The following QTGAL variants were observed in gnomAD, a reference collection of about 807,000 sequenced individuals.
QTGAL encodes the protein queuosine-tRNA galactosyltransferase.
chr17:83,005,183 G>T, the QTGAL span: 3 of 1,610,022 alleles, frequency 1.9e-6, no homozygotes, highest in Admixed American at 5.0e-5. The surrounding 1 kb of genome is among the most constrained non-coding windows in gnomAD (Gnocchi z 5.6). Flanking sequence ...GAGTTAGGGG[G>T]ATCTCTCCTC....
the QTGAL span, among the ~76,000 whole-genome samples, chr17:82,960,699 G>A: frequency 1.4e-4 from 22 of 152,172 alleles, no homozygotes; most frequent in Admixed American, 7.8e-4. Context: ...CGGCAGCTGC[G>A]CCCCCCAGGC....
the QTGAL span, chr17:83,051,597 C>T: frequency 1.1e-6 from 1 of 896,976 alleles, no homozygotes; most frequent in Non-Finnish European, 1.5e-6. Flanking sequence ...CTAAGGGCTG[C>T]TCAGGGCGGA....
the QTGAL span, chr17:82,945,215 T>A: frequency 6.6e-6 from 1 of 152,210 alleles, no homozygotes; most frequent in Non-Finnish European, 1.5e-5. Flanking sequence ...AAGAGAGAAT[T>A]AGAAAACTGG....
At chr17:82,968,697 A>G in the QTGAL span, among the ~76,000 whole-genome samples, 1 of 152,248 alleles carries the variant, frequency 6.6e-6, no homozygotes, top group African/African-American at 2.4e-5. Flanking sequence ...GCAAAGGCAT[A>G]GCCTTAAAAT....
At chr17:82,965,211 G>A in the QTGAL span, among the ~76,000 whole-genome samples, 7 of 150,886 alleles carry the variant, frequency 4.6e-5, no homozygotes, top group African/African-American at 1.2e-4. Flanking sequence ...GGGGGGGACG[G>A]GGACATGGAC....
At chr17:83,007,473 A>G in the QTGAL span, among the ~76,000 whole-genome samples, 1 of 152,222 alleles carries the variant, frequency 6.6e-6, no homozygotes, top group African/African-American at 2.4e-5. Context: ...AGCTGGAGGT[A>G]GAAGTCCTTT....
the QTGAL span, among the ~76,000 whole-genome samples, chr17:83,020,728 A>G: frequency 6.6e-6 from 1 of 152,252 alleles, no homozygotes; most frequent in Admixed American, 6.5e-5. Flanking sequence ...TTCTGAGCGC[A>G]GTTGGGGAGA....
At chr17:82,958,844 TACA>T in the QTGAL span, among the ~76,000 whole-genome samples, 1 of 126,018 alleles carries the variant, frequency 7.9e-6, no homozygotes. Flanking sequence ...TGTGTGTGTG[TACA>T]CTGGGGGTGT....
chr17:83,030,510 T>TA, the QTGAL span, among the ~76,000 whole-genome samples: 2 of 152,226 alleles, frequency 1.3e-5, no homozygotes, highest in African/African-American at 4.8e-5. Context: ...GTGAGGGTTC[T>TA]AGACGGCACT....
the QTGAL span, among the ~76,000 whole-genome samples, chr17:82,970,629 CCGCGACCTCCGCACCCGGT>C: frequency 2.5e-4 from 23 of 92,140 alleles, 4 homozygotes; most frequent in African/African-American, 1.2e-3. Context: ...CCCGGCGTGG[CCGCGACCTCCGCACCCGGT>C]GTGGCCGCGA....
At chr17:83,030,406 G>A in the QTGAL span, among the ~76,000 whole-genome samples, 2 of 152,122 alleles carry the variant, frequency 1.3e-5, no homozygotes, top group African/African-American at 4.8e-5. Context: ...GGAGAAGGAG[G>A]CAAAGGGCAG....
chr17:82,971,639 GGTGCC>G, the QTGAL span, among the ~76,000 whole-genome samples: 2 of 135,044 alleles, frequency 1.5e-5, no homozygotes, highest in Admixed American at 1.5e-4. Context: ...AGAAGGACCT[GGTGCC>G]GACCACACCA....
chr17:82,965,203 G>C, the QTGAL span, among the ~76,000 whole-genome samples: 2 of 150,828 alleles, frequency 1.3e-5, no homozygotes, highest in African/African-American at 4.9e-5. Flanking sequence ...ACTCCCACGG[G>C]GGGGACGGGG....
At chr17:83,013,359 C>G in the QTGAL span, among the ~76,000 whole-genome samples, 1 of 145,276 alleles carries the variant, frequency 6.9e-6, no homozygotes, top group African/African-American at 2.6e-5. Flanking sequence ...ACCGCCCACC[C>G]CCAGCGCACC....
the QTGAL span, among the ~76,000 whole-genome samples, chr17:83,036,876 G>C: frequency 6.6e-6 from 1 of 152,140 alleles, no homozygotes; most frequent in Non-Finnish European, 1.5e-5. Context: ...GGGTAGCCAA[G>C]GAAGGCTTCT....
chr17:82,942,558 C>T, the QTGAL span: 2 of 1,569,762 alleles, frequency 1.3e-6, no homozygotes, highest in Middle Eastern at 1.7e-4. Context: ...GTGGTGCCTC[C>T]AGCTGTTGAA....
chr17:82,991,699 T>C, the QTGAL span, among the ~76,000 whole-genome samples: 1 of 152,048 alleles, frequency 6.6e-6, no homozygotes, highest in East Asian at 1.9e-4. Flanking sequence ...AAACATGACC[T>C]TACCAAATGA....
chr17:82,973,031 G>C, the QTGAL span, among the ~76,000 whole-genome samples: 1 of 152,214 alleles, frequency 6.6e-6, no homozygotes, highest in Non-Finnish European at 1.5e-5. Flanking sequence ...ACACAGCACG[G>C]AGCTCTGATG....
the QTGAL span, chr17:83,048,704 T>C: frequency 1.9e-6 from 3 of 1,614,080 alleles, no homozygotes; most frequent in Non-Finnish European, 1.7e-6. Context: ...AGCTCCATGG[T>C]ACCTTCAAAG....
Sources: allele counts gnomAD v4.1 joint callset (sites outside exome capture counted in the v4.1 genomes callset), GRCh38; gene constraint gnomAD v4.1.1; non-coding constraint Gnocchi (gnomAD v3.1); transcripts MANE v1.5; gene names NCBI Gene and HGNC (gene_info 2026-07-23, HGNC 2026-07-21).